Variants in TENM3 observed in about 807,000 individuals in gnomAD.
The protein encoded by TENM3 is teneurin-3.
A neutral mutation model predicts 255.1 loss-of-function variants in TENM3; 63 were observed. The observed-to-expected ratio is 0.25, with a 90% CI of 0.20 to 0.30. The LOEUF (loss-of-function observed/expected upper bound fraction) is 0.30, where lower values mean the gene tolerates loss of function less well. Among genes scored for constraint, TENM3 ranks in the 10% least tolerant of loss-of-function variants. The pLI is 1.00. For missense variants in TENM3, 2,929 were observed against 3,461.1 expected, an observed-to-expected ratio of 0.85 and a Z score of 3.86; for synonymous variants, 1,306 against 1,322.3, an observed-to-expected ratio of 0.99 and a Z score of 0.27.
At chr4:182,029,768 T>G in the TENM3 span, among the ~76,000 whole-genome samples, 1 of 152,122 alleles carries the variant, frequency 6.6e-6, no homozygotes, top group Non-Finnish European at 1.5e-5. Flanking sequence ...TGAAGAAATG[T>G]AAAAATAAAA....
rs932559839 is a variant in TENM3 at position 182,631,070 on chromosome 4, CT to C, written c.988+2190del. Among the ~76,000 whole-genome samples the C allele has an allele frequency of 1.3e-4, 20 of 150,958 alleles. 1 individual carries two copies. Among genetic ancestry groups the C allele is most frequent in the South Asian group, 1.0e-3 (5 of 4,768 alleles). ...TTCTAAGTAAAAACTCAAAATTTTC[CT>C]TTTTTTTTCATATTGCCTAGTTTTA... On this transcript the variant is annotated intron_variant, in intron 5 of 27. Transcript: ENST00000511685.
chr4:182,148,814 T>A (rs1432431854), intron 1 of TENM3, among the ~76,000 whole-genome samples: 1 of 152,088 alleles, frequency 6.6e-6, no homozygotes, highest in Non-Finnish European at 1.5e-5. Context: ...TTTGGTTTTA[T>A]CAGCTTTTAA....
chr4:182,615,235 T>C (rs997532774), intron 4 of TENM3, among the ~76,000 whole-genome samples: 1 of 151,806 alleles, frequency 6.6e-6, no homozygotes, highest in Non-Finnish European at 1.5e-5. Context: ...GCTCTTTTTT[T>C]AATAGAAATT....
At chr4:182,718,842 G>A (rs181973527) in intron 13 of TENM3, among the ~76,000 whole-genome samples, 62 of 152,292 alleles carry the variant, frequency 4.1e-4, no homozygotes, top group Admixed American at 6.5e-5. Context: ...GGGGTTGCTT[G>A]ACTTTAAATA....
At chr4:181,580,638 C>G in the TENM3 span, among the ~76,000 whole-genome samples, 3 of 152,016 alleles carry the variant, frequency 2.0e-5, no homozygotes, top group East Asian at 1.9e-4. Flanking sequence ...AGTCCCAGAC[C>G]CCCCTGAGAG....
intron 1 of TENM3, among the ~76,000 whole-genome samples, chr4:182,253,606 T>TA (rs1256541003): frequency 6.6e-6 from 1 of 152,162 alleles, no homozygotes; most frequent in African/African-American, 2.4e-5. Context: ...TTTTCTTTGA[T>TA]AAAAAAAATT....
the TENM3 span, among the ~76,000 whole-genome samples, chr4:181,655,931 T>C: frequency 6.6e-6 from 1 of 152,138 alleles, no homozygotes; most frequent in African/African-American, 2.4e-5. Flanking sequence ...GGTTTAAATA[T>C]GCTAGAAGCC....
At chr4:182,211,830 G>A (rs922177910) in intron 1 of TENM3, among the ~76,000 whole-genome samples, 21 of 151,992 alleles carry the variant, frequency 1.4e-4, no homozygotes, top group African/African-American at 3.9e-4. Flanking sequence ...TTTACTTACC[G>A]TGTGACTTTG....
intron 3 of TENM3, among the ~76,000 whole-genome samples, chr4:182,433,229 T>C (rs1771794118): frequency 6.6e-6 from 1 of 152,102 alleles, no homozygotes; most frequent in Non-Finnish European, 1.5e-5. Context: ...TGTTGGAGAA[T>C]GGCATCTAGA....
In TENM3 at chr4:182,555,337, T is replaced by A. The variant is rs544459961; in HGVS notation, c.512-45587T>A. ...TTGAATCTTGCTCCTCCATGAACTGTAATACTATGTAAGTCTTACTTAAAA... is the reference window on the plus strand; with the variant it reads ...TTGAATCTTGCTCCTCCATGAACTGAAATACTATGTAAGTCTTACTTAAAA... On this transcript the variant is annotated intron_variant, in intron 3 of 27. Transcript: ENST00000511685. 1.2e-3 allele frequency among the ~76,000 whole-genome samples: 178 copies of A among 152,298 alleles called. 1 individual carries two copies. The highest frequency in any genetic ancestry group is 4.1e-3 in the African/African-American group (169 of 41,580).
chr4:182,686,735 C>T (rs1025103245), intron 11 of TENM3, among the ~76,000 whole-genome samples: 1 of 152,056 alleles, frequency 6.6e-6, no homozygotes. Context: ...CAAAGATTGA[C>T]GCACCTTGCT....
chr4:181,605,446 G>T, the TENM3 span, among the ~76,000 whole-genome samples: 1 of 89,022 alleles, frequency 1.1e-5, no homozygotes, highest in East Asian at 3.3e-4. Flanking sequence ...ACCATCAAAA[G>T]AAAGAAAGAG....
At chr4:182,572,754 G>A (rs1000424559) in intron 3 of TENM3, among the ~76,000 whole-genome samples, 34 of 152,294 alleles carry the variant, frequency 2.2e-4, no homozygotes, top group African/African-American at 7.7e-4. Context: ...TCACAGATTT[G>A]ATAAAAAGGC....
chr4:181,917,430 T>A, the TENM3 span, among the ~76,000 whole-genome samples: 226 of 152,252 alleles, frequency 1.5e-3, no homozygotes, highest in African/African-American at 5.3e-3. Context: ...ACGTTCCAAG[T>A]AGGCATTCAG....
intron 16 of TENM3, among the ~76,000 whole-genome samples, chr4:182,731,697 GTGTGTGTGTGTGTGTGTGTGT>G (rs1760737278): frequency 2.6e-5 from 2 of 76,510 alleles, no homozygotes; most frequent in Non-Finnish European, 3.0e-5. Flanking sequence ...GTGTTGGGGT[GTGTGTGTGTGTGTGTGTGTGT>G]GTGTGTGTGT....
chr4:181,767,499 C>A, the TENM3 span, among the ~76,000 whole-genome samples: 45 of 151,934 alleles, frequency 3.0e-4, 1 homozygote, highest in African/African-American at 1.1e-3. Flanking sequence ...TTATAATTTC[C>A]GTTGAATGGA....
At chr4:182,541,321 T>C (rs1192830294) in intron 3 of TENM3, among the ~76,000 whole-genome samples, 1 of 152,234 alleles carries the variant, frequency 6.6e-6, no homozygotes, top group African/African-American at 2.4e-5. Flanking sequence ...TGTGTGTGTA[T>C]AGAAACGAAA....
At chr4:182,013,997 C>CGT in the TENM3 span, among the ~76,000 whole-genome samples, 9 of 81,040 alleles carry the variant, frequency 1.1e-4, no homozygotes, top group African/African-American at 4.6e-4. Flanking sequence ...CGTATATACA[C>CGT]ATATATACGT....
chr4:181,493,214 T>A, the TENM3 span, among the ~76,000 whole-genome samples: 2 of 151,544 alleles, frequency 1.3e-5, no homozygotes. Context: ...GTGGATCACT[T>A]GAACCCAGGA....
Sources: allele counts gnomAD v4.1 joint callset (sites outside exome capture counted in the v4.1 genomes callset), GRCh38; gene constraint gnomAD v4.1.1; transcripts MANE v1.5; gene names NCBI Gene and HGNC (gene_info 2026-07-23, HGNC 2026-07-21).